Variants in BMAL2 observed in about 807,000 individuals in gnomAD.
The protein encoded by BMAL2 is basic helix-loop-helix ARNT like 2.
At chr12:27,376,485 T>C in the BMAL2 span, 1 of 1,019,162 alleles carries the variant, frequency 9.8e-7, no homozygotes, top group East Asian at 2.5e-5. Flanking sequence ...TAGAAGGGCT[T>C]GAAGATGAGG....
the BMAL2 span, among the ~76,000 whole-genome samples, chr12:27,416,934 C>T: frequency 6.6e-6 from 1 of 152,162 alleles, no homozygotes; most frequent in South Asian, 2.1e-4. Context: ...CTGCACTAGC[C>T]TGAGCGGCAG....
the BMAL2 span, among the ~76,000 whole-genome samples, chr12:27,333,317 G>T: frequency 6.6e-6 from 1 of 151,990 alleles, no homozygotes; most frequent in Non-Finnish European, 1.5e-5. Flanking sequence ...TCCTCCCGGG[G>T]AGCGGGACGC....
the BMAL2 span, among the ~76,000 whole-genome samples, chr12:27,391,146 T>C: frequency 6.6e-6 from 1 of 152,192 alleles, no homozygotes; most frequent in Non-Finnish European, 1.5e-5. Flanking sequence ...ACTAAGGTAG[T>C]GAGCATAGTA....
chr12:27,387,749 A>T, the BMAL2 span, among the ~76,000 whole-genome samples: 2 of 152,206 alleles, frequency 1.3e-5, no homozygotes, highest in African/African-American at 4.8e-5. Context: ...ACTCTCTGAA[A>T]TACATCTTTC....
chr12:27,351,547 C>T, the BMAL2 span, among the ~76,000 whole-genome samples: 4 of 152,132 alleles, frequency 2.6e-5, no homozygotes. Flanking sequence ...TTTTATTGAG[C>T]TCATACAGTC....
the BMAL2 span, among the ~76,000 whole-genome samples, chr12:27,339,147 G>A: frequency 6.6e-6 from 1 of 151,964 alleles, no homozygotes; most frequent in Admixed American, 6.6e-5. Flanking sequence ...GTGTGTGTTG[G>A]TTCCCTCTGT....
the BMAL2 span, chr12:27,418,241 C>G: frequency 7.8e-7 from 1 of 1,288,012 alleles, no homozygotes; most frequent in East Asian, 2.4e-5. Flanking sequence ...TTTATCAAAA[C>G]CCCCCTCTTA....
chr12:27,350,464 CTGTT>C, the BMAL2 span, among the ~76,000 whole-genome samples: 2 of 152,184 alleles, frequency 1.3e-5, no homozygotes, highest in African/African-American at 4.8e-5. Context: ...CCTGTCCCGA[CTGTT>C]TGGGAAAACA....
chr12:27,364,208 C>T, the BMAL2 span, among the ~76,000 whole-genome samples: 1 of 152,128 alleles, frequency 6.6e-6, no homozygotes, highest in African/African-American at 2.4e-5. Flanking sequence ...CCTAGTGGCC[C>T]CACCTTTTAA....
the BMAL2 span, among the ~76,000 whole-genome samples, chr12:27,373,824 T>C: frequency 6.6e-6 from 1 of 152,236 alleles, no homozygotes; most frequent in Non-Finnish European, 1.5e-5. Flanking sequence ...TATTTTGAAA[T>C]TCTATTACTG....
the BMAL2 span, among the ~76,000 whole-genome samples, chr12:27,409,837 T>C: frequency 6.6e-6 from 1 of 152,116 alleles, no homozygotes. Context: ...ATTTTTGCAA[T>C]CTACTCATCG....
the BMAL2 span, among the ~76,000 whole-genome samples, chr12:27,363,137 T>C: frequency 6.6e-6 from 1 of 152,208 alleles, no homozygotes; most frequent in East Asian, 1.9e-4. Context: ...TTCATCCATG[T>C]TGAGTATAGC....
chr12:27,422,638 C>T, the BMAL2 span: 2 of 152,190 alleles, frequency 1.3e-5, no homozygotes, highest in Admixed American at 1.3e-4. Context: ...AGAAATCCTA[C>T]AAGATGGGGA....
chr12:27,368,755 T>C, the BMAL2 span, among the ~76,000 whole-genome samples: 1 of 152,242 alleles, frequency 6.6e-6, no homozygotes, highest in Non-Finnish European at 1.5e-5. Context: ...AAAATAATAA[T>C]GACTACTTCT....
the BMAL2 span, chr12:27,418,049 TA>T: frequency 7.6e-7 from 1 of 1,316,908 alleles, no homozygotes; most frequent in Non-Finnish European, 1.1e-6. Context: ...CTTATTCTAG[TA>T]GGAACCTCAC....
At chr12:27,350,454 C>T in the BMAL2 span, among the ~76,000 whole-genome samples, 1 of 152,172 alleles carries the variant, frequency 6.6e-6, no homozygotes, top group Non-Finnish European at 1.5e-5. Flanking sequence ...TTAGAAACTC[C>T]CTGTCCCGAC....
chr12:27,389,192 G>C, the BMAL2 span: 1 of 1,609,564 alleles, frequency 6.2e-7, no homozygotes, highest in Middle Eastern at 1.7e-4. Context: ...AGTTTGACTG[G>C]ACAAAGCTTA....
At chr12:27,359,076 A>G in the BMAL2 span, among the ~76,000 whole-genome samples, 2 of 152,194 alleles carry the variant, frequency 1.3e-5, no homozygotes, top group South Asian at 2.1e-4. Context: ...TTGTCATTCT[A>G]GAAGGCTTTC....
At chr12:27,411,535 T>C in the BMAL2 span, among the ~76,000 whole-genome samples, 2 of 152,116 alleles carry the variant, frequency 1.3e-5, no homozygotes, top group African/African-American at 4.8e-5. Context: ...GGAGGATCAC[T>C]TGAGCCCAGG....
Sources: gnomAD v4.1 joint callset for allele counts (sites outside exome capture counted in the v4.1 genomes callset) on GRCh38, gnomAD v4.1.1 for gene constraint, MANE v1.5 for transcripts, NCBI Gene and HGNC (gene_info 2026-07-23, HGNC 2026-07-21) for gene names.